Variants in ARHGAP26 observed in about 807,000 individuals in gnomAD.
ARHGAP26 encodes Rho GTPase activating protein 26.
Under a neutral mutation model 104.8 loss-of-function variants are expected in ARHGAP26, and 38 were observed. The observed-to-expected ratio is 0.36, with a 90% CI of 0.28 to 0.48. ARHGAP26 has a LOEUF of 0.48. Among genes scored for constraint, ARHGAP26 ranks in the 20% least tolerant of loss-of-function variants. The pLI is 0.99. For missense variants in ARHGAP26, 704 were observed against 947.9 expected (o/e 0.74, Z 3.38); for synonymous variants, 341 against 340.0 (o/e 1.00, Z -0.03).
intron 11 of ARHGAP26, among the ~76,000 whole-genome samples, chr5:142,965,455 G>A (rs561522152): frequency 1.3e-5 from 2 of 152,190 alleles, no homozygotes; most frequent in Non-Finnish European, 2.9e-5. Context: ...TGGCATCACC[G>A]CTAGACCAAG....
chr5:142,922,421 AGTGTGTGTGT>A (rs3836778), intron 10 of ARHGAP26, among the ~76,000 whole-genome samples: 1 of 150,442 alleles, frequency 6.6e-6, no homozygotes, highest in African/African-American at 2.4e-5. Context: ...TTGACAGAAG[AGTGTGTGTGT>A]GTGTGTGTGT....
chr5:142,775,248 A>G (rs762122121), intron 1 of ARHGAP26, among the ~76,000 whole-genome samples: 3 of 152,166 alleles, frequency 2.0e-5, no homozygotes, highest in Admixed American at 6.5e-5. Context: ...CTGTTGCTCT[A>G]CATTCTGCTC....
Position 142,830,849 on chromosome 5 carries a change from T to A in ARHGAP26, c.155-42551T>A, listed in dbSNP as rs566248818. ...CCCCCTCTCTCAGTTTGTATCATTT[T>A]CCTTGATATCTGATTCCACTTACAT... On this transcript the variant is annotated intron_variant, in intron 1 of 22. Coordinates refer to ENST00000645722, the MANE Select transcript of ARHGAP26 (RefSeq NM_001135608.3). 3.3e-5 allele frequency among the ~76,000 whole-genome samples: 5 copies of A among 152,336 alleles called. No individual in the cohort carries two copies. The East Asian group carries it at 7.7e-4, about 24-fold the overall frequency.
At chr5:142,898,718 A>G (rs1759849415) in intron 6 of ARHGAP26, among the ~76,000 whole-genome samples, 1 of 152,176 alleles carries the variant, frequency 6.6e-6, no homozygotes, top group East Asian at 1.9e-4. Flanking sequence ...ACTCTGTGCA[A>G]TAGTAAAAAC....
chr5:143,157,202 A>C, intron 20 of ARHGAP26, among the ~76,000 whole-genome samples: 1 of 144,110 alleles, frequency 6.9e-6, no homozygotes. Context: ...CTCGAGACAG[A>C]GTCTCACTCT....
At chr5:142,861,397 G>A (rs1021723640) in intron 1 of ARHGAP26, among the ~76,000 whole-genome samples, 6 of 151,860 alleles carry the variant, frequency 4.0e-5, no homozygotes, top group African/African-American at 7.3e-5. Context: ...TTCATCCAGG[G>A]GGAGATGAGC....
At chr5:143,084,051 T>C (rs1233865451) in intron 17 of ARHGAP26, among the ~76,000 whole-genome samples, 5 of 152,236 alleles carry the variant, frequency 3.3e-5, no homozygotes, top group Non-Finnish European at 4.4e-5. Context: ...TTGACTTTTA[T>C]ATGATGCCAC....
At chr5:143,097,360 GAAAAAAAA>G (rs56116431) in intron 17 of ARHGAP26, among the ~76,000 whole-genome samples, 33 of 63,266 alleles carry the variant, frequency 5.2e-4, no homozygotes, top group African/African-American at 1.6e-3. Context: ...TCAAAAAAAA[GAAAAAAAA>G]AAAAAAAAAA....
rs1224597953 is a variant in ARHGAP26, at chr5:142,871,466, G to C, written c.155-1934G>C. 6.6e-6 allele frequency among the ~76,000 whole-genome samples: 1 copy of C among 152,172 alleles called. No individual in the cohort carries two copies. Among genetic ancestry groups the C allele is most frequent in the Non-Finnish European group, 1.5e-5 (1 of 68,026 alleles). On this transcript the variant is annotated intron_variant, in intron 1 of 22. Coordinates refer to ENST00000645722, the MANE Select transcript of ARHGAP26 (RefSeq NM_001135608.3). The surrounding 1 kb of genome is among the most constrained non-coding windows in gnomAD (Gnocchi z 4.1). ...GGGGGAGGCACAGGATTGTCGGGTG[G>C]GTAGAAAGGCAAACCTGTGTTACTC...
At position 143,011,332 on chromosome 5, in the gene ARHGAP26, C is replaced by T. The variant is rs574432819; in HGVS notation, c.1108-2748C>T. Among the ~76,000 whole-genome samples the T allele has an allele frequency of 1.6e-4, 17 of 106,594 alleles. No individual in the cohort carries two copies. The East Asian group carries it at 4.9e-3, about 31-fold the overall frequency. 69.9% of individuals were successfully genotyped at this position (106,594 alleles called of 152,430 possible). A position where few individuals can be genotyped will look rare whatever the true frequency, so the allele number is the denominator to read the frequency against. Reference sequence around the variant, plus strand: ...TTTTTTTTTTTTTTTTTTACTTTCTCCAATGTACTTATCAATATTTGAAGT... The same window carrying T: ...TTTTTTTTTTTTTTTTTTACTTTCTTCAATGTACTTATCAATATTTGAAGT... On this transcript the variant is annotated intron_variant, in intron 11 of 22. Transcript: ENST00000645722.
intron 20 of ARHGAP26, among the ~76,000 whole-genome samples, chr5:143,153,332 A>T (rs113396242): frequency 6.6e-6 from 1 of 152,164 alleles, no homozygotes; most frequent in Non-Finnish European, 1.5e-5. Flanking sequence ...GAGCATGCCC[A>T]CTACCACCAT....
At chr5:142,791,941 C>CAAA (rs11397426) in intron 1 of ARHGAP26, among the ~76,000 whole-genome samples, 41 of 64,950 alleles carry the variant, frequency 6.3e-4, no homozygotes, top group Non-Finnish European at 7.5e-4. Flanking sequence ...AAACCCGTCT[C>CAAA]AAAAAAAAAA....
intron 20 of ARHGAP26, among the ~76,000 whole-genome samples, chr5:143,205,596 C>A (rs1312730481): frequency 6.6e-6 from 1 of 152,190 alleles, no homozygotes; most frequent in African/African-American, 2.4e-5. Flanking sequence ...TTGGCACAGG[C>A]TAGAGGAACA....
At chr5:142,947,720 G>A (rs779986186) in intron 11 of ARHGAP26, among the ~76,000 whole-genome samples, 4 of 152,150 alleles carry the variant, frequency 2.6e-5, no homozygotes, top group Non-Finnish European at 5.9e-5. Context: ...CTTGGGTTTT[G>A]TTCATTATTG....
intron 13 of ARHGAP26, 94 bp from the exon 14 acceptor site, chr5:143,041,722 G>GAAAAAAAA: frequency 4.7e-6 from 3 of 641,970 alleles, no homozygotes; most frequent in South Asian, 2.0e-5. Flanking sequence ...CTGAGAAAAT[G>GAAAAAAAA]AAAAAAAAAA....
At chr5:143,055,647 C>T (rs1785702924) in intron 15 of ARHGAP26, among the ~76,000 whole-genome samples, 3 of 152,160 alleles carry the variant, frequency 2.0e-5, no homozygotes, top group Non-Finnish European at 4.4e-5. Flanking sequence ...TTGATTCTAA[C>T]AACAAGCCGC....
intron 17 of ARHGAP26, among the ~76,000 whole-genome samples, chr5:143,082,316 A>G (rs114721979): frequency 0.017 from 2,624 of 152,270 alleles, 66 homozygotes; most frequent in East Asian, 0.074. Flanking sequence ...ACTGTCACAA[A>G]AATATGGAGT....
rs569056095 is a variant in ARHGAP26, at chr5:143,038,915, C to T, written c.1210+1654C>T. Among the ~76,000 whole-genome samples, 182 of 151,950 alleles carry T rather than the reference C, an allele frequency of 1.2e-3. 1 individual carries two copies. Among genetic ancestry groups the T allele is most frequent in the Non-Finnish European group, 2.3e-3 (155 of 67,970 alleles). On this transcript the variant is annotated intron_variant, in intron 13 of 22. Transcript: ENST00000645722. ...TTCACCATGTTGGCCAGGATGGTCT[C>T]GATCTCCTGATCTTGTGATCCACCC...
At chr5:142,972,169 G>A (rs1453468735) in intron 11 of ARHGAP26, among the ~76,000 whole-genome samples, 2 of 135,508 alleles carry the variant, frequency 1.5e-5, no homozygotes, top group African/African-American at 3.2e-5. Context: ...CTGACAGAGC[G>A]AGATTCCATC....
Sources: gnomAD v4.1 joint callset for allele counts (sites outside exome capture counted in the v4.1 genomes callset) on GRCh38, gnomAD v4.1.1 for gene constraint, Gnocchi (gnomAD v3.1) non-coding constraint, MANE v1.5 for transcripts, NCBI Gene and HGNC (gene_info 2026-07-23, HGNC 2026-07-21) for gene names.